The following N4BP2 variants were observed in gnomAD, a reference collection of about 807,000 sequenced individuals.
The protein encoded by N4BP2 is NEDD4-binding protein 2.
N4BP2 carries 91 observed loss-of-function variants against 152.8 expected under a neutral mutation model. The observed-to-expected ratio is 0.60, with a 90% CI of 0.50 to 0.71. The LOEUF (loss-of-function observed/expected upper bound fraction) is 0.71. N4BP2 is among the 30% of genes least tolerant of loss of function. The pLI, the probability that N4BP2 is intolerant of heterozygous loss-of-function variation, is 0.00. For synonymous variants in N4BP2, 646 were observed against 705.3 expected (o/e 0.92, Z 1.33); for missense variants, 1,923 against 2,059.1 (o/e 0.93, Z 1.28).
intron 13 of N4BP2, among the ~76,000 whole-genome samples, chr4:40,134,292 A>T (rs1220704137): frequency 2.0e-5 from 3 of 152,232 alleles, no homozygotes. Flanking sequence ...TGATGCTAGC[A>T]TATGGCCACT....
chr4:40,115,261 C>G (rs994935116), intron 7 of N4BP2, among the ~76,000 whole-genome samples: 3 of 152,176 alleles, frequency 2.0e-5, no homozygotes, highest in Admixed American at 2.0e-4. Flanking sequence ...CTTTGGGAAG[C>G]TGAAGCAGGA....
chr4:40,178,098 T>G, the N4BP2 span, among the ~76,000 whole-genome samples: 1 of 152,094 alleles, frequency 6.6e-6, no homozygotes, highest in Non-Finnish European at 1.5e-5. Context: ...AGGCGGAGGT[T>G]GCAGTGAGCC....
At chr4:40,153,987 T>C (rs1245991267) in intron 17 of N4BP2, among the ~76,000 whole-genome samples, 1 of 152,142 alleles carries the variant, frequency 6.6e-6, no homozygotes, top group Non-Finnish European at 1.5e-5. Flanking sequence ...AAGAGCAACC[T>C]CCAGCTTTAA....
intron 4 of N4BP2, 37 bp from the exon 5 acceptor site, chr4:40,106,863 A>G (rs746838842): frequency 6.4e-7 from 1 of 1,561,316 alleles, no homozygotes; most frequent in Non-Finnish European, 8.7e-7. Context: ...AATTTAGAAG[A>G]AAAGGTAATG....
chr4:40,073,115 T>A (rs1017713867), intron 1 of N4BP2, among the ~76,000 whole-genome samples: 2 of 152,188 alleles, frequency 1.3e-5, no homozygotes, highest in African/African-American at 2.4e-5. Context: ...AAATGGTAAT[T>A]AGTTTTGGGT....
At chr4:40,128,948 A>G (rs1718663775) in intron 12 of N4BP2, among the ~76,000 whole-genome samples, 1 of 152,152 alleles carries the variant, frequency 6.6e-6, no homozygotes, top group Admixed American at 6.5e-5. Flanking sequence ...TTACAGTTCT[A>G]CCCTCCCTTT....
chr4:40,107,772 G>A (rs542846870), intron 5 of N4BP2, among the ~76,000 whole-genome samples: 2 of 152,076 alleles, frequency 1.3e-5, no homozygotes, highest in Non-Finnish European at 2.9e-5. Flanking sequence ...TTCATAGGGT[G>A]GTTATAAGGA....
rs141766114 is a variant in N4BP2 at position 40,145,927 on chromosome 4, C to T, written c.5143+1127C>T. On this transcript the variant is annotated intron_variant, in intron 16 of 17. Coordinates refer to ENST00000261435, the MANE Select transcript of N4BP2 (RefSeq NM_018177.6). ...CCTGTAATCCCAGCACTTCGGAGGCCGAGGTGGGCGGATCACCTGAGGTCT... is the reference window on the plus strand; with the variant it reads ...CCTGTAATCCCAGCACTTCGGAGGCTGAGGTGGGCGGATCACCTGAGGTCT... 2.4e-3 allele frequency among the ~76,000 whole-genome samples: 371 copies of T among 152,100 alleles called. 1 individual carries two copies. Among genetic ancestry groups the T allele is most frequent in the African/African-American group, 8.6e-3 (356 of 41,490 alleles).
chr4:40,061,394 C>T (rs948139284), intron 1 of N4BP2, among the ~76,000 whole-genome samples: 6 of 151,036 alleles, frequency 4.0e-5, no homozygotes, highest in South Asian at 4.2e-4. Context: ...GATGGAGTCT[C>T]GCTCTTGTTG....
intron 4 of N4BP2, among the ~76,000 whole-genome samples, chr4:40,104,847 CAGGCTAG>C: frequency 6.6e-6 from 1 of 151,704 alleles, no homozygotes; most frequent in South Asian, 2.1e-4. Context: ...CTCTGTCGCC[CAGGCTAG>C]AGTGCAGTGG....
the N4BP2 span, among the ~76,000 whole-genome samples, chr4:40,164,750 CTG>C: frequency 2.0e-5 from 3 of 152,224 alleles, no homozygotes; most frequent in Non-Finnish European, 4.4e-5. Context: ...CGGGACCTCA[CTG>C]TTTTGTTTGA....
the N4BP2 span, among the ~76,000 whole-genome samples, chr4:40,165,175 C>A: frequency 6.6e-6 from 1 of 151,542 alleles, no homozygotes; most frequent in Non-Finnish European, 1.5e-5. Flanking sequence ...TCCTTAGAGT[C>A]ATGTTAATAG....
the N4BP2 span, among the ~76,000 whole-genome samples, chr4:40,173,743 G>A: frequency 2.6e-5 from 4 of 152,128 alleles, no homozygotes; most frequent in African/African-American, 4.8e-5. Context: ...AGCCTGGGCC[G>A]AACTCTTGTT....
Position 40,120,912 on chromosome 4 carries a change from G to A in N4BP2, c.2801G>A (p.Ser934Asn), listed in dbSNP as rs1334786109. ...STAHEACWGT[S>N]SQKLKTLGSS... The stretch of plus-strand genomic sequence containing the variant: ...GCACATGAGGCCTGTTGGGGCACAA[G>A]CTCTCAAAAACTAAAGACATTGGGT... The change falls in exon 9 of 18, where the codon AGC (serine) becomes AAC (asparagine). Residue 934 changes from serine (S) to asparagine (N), a missense_variant. Transcript: ENST00000261435. 4 of 1,614,096 alleles carry A rather than the reference G, an allele frequency of 2.5e-6. No individual in the cohort carries two copies. The highest frequency in any genetic ancestry group is 3.4e-6 in the Non-Finnish European group (4 of 1,180,004).
chr4:40,117,929 T>G lies in N4BP2; in HGVS notation c.1725T>G (p.Arg575=). ...CAAGAATGTTGGAACATTATCAACG[T>G]TTTGTTTCAGTGCCAATAATTATGA... ...KITRMLEHYQ[R]FVSVPIIMSS... Residue 575 remains arginine, a synonymous_variant, in exon 8 of 18, where the codon CGT becomes CGG. Coordinates refer to ENST00000261435, the MANE Select transcript of N4BP2 (RefSeq NM_018177.6). The G allele has an allele frequency of 6.2e-7, 1 of 1,613,002 alleles. No individual in the cohort carries two copies. Among genetic ancestry groups the G allele is most frequent in the Non-Finnish European group, 8.5e-7 (1 of 1,179,450 alleles).
chr4:40,086,487 G>A (rs946186471), intron 2 of N4BP2, among the ~76,000 whole-genome samples: 14 of 151,716 alleles, frequency 9.2e-5, no homozygotes, highest in Non-Finnish European at 1.8e-4. Context: ...ACAGGTGTGC[G>A]CCACCATGCC....
At position 40,121,102 on chromosome 4, in the gene N4BP2, A is replaced by G. The variant is rs748071836; in HGVS notation, c.2991A>G (p.Glu997=). Residue 997 remains glutamate, a synonymous_variant, in exon 9 of 18, where the codon GAA becomes GAG. Coordinates refer to ENST00000261435, the MANE Select transcript of N4BP2 (RefSeq NM_018177.6). ...SGVVEPQTLA[E]CQEQMPKRDP... is the part of the protein sequence containing the mutation. ...TAGTAGAACCACAAACGTTAGCTGA[A>G]TGTCAAGAGCAAATGCCTAAGAGAG... The G allele has an allele frequency of 1.9e-6, 3 of 1,614,150 alleles. No homozygotes were observed. The highest frequency in any genetic ancestry group is 1.1e-5 in the South Asian group (1 of 91,080).
rs192705852 is a variant in N4BP2 at position 40,103,350 on chromosome 4, G to C, written c.1373+132G>C. On this transcript the variant is annotated intron_variant, in intron 4 of 17. Coordinates refer to ENST00000261435, the MANE Select transcript of N4BP2 (RefSeq NM_018177.6). ...CCTAAAATGTTTTCTTTTTACTAAG[G>C]TTTCCTAACTTTGTGTAGCTAATAA... The C allele has an allele frequency of 5.6e-4, 403 of 716,638 alleles. No homozygotes were observed. In the African/African-American group the frequency reaches 6.0e-3, roughly 11 times the overall value. 44.4% of individuals were successfully genotyped at this position (716,638 alleles called of 1,614,324 possible).
intron 16 of N4BP2, among the ~76,000 whole-genome samples, chr4:40,147,572 T>C (rs1227785016): frequency 1.4e-5 from 2 of 143,162 alleles, no homozygotes; most frequent in Non-Finnish European, 3.0e-5. Context: ...ACATGGCGGC[T>C]GGCCGGGTGG....
Sources: gnomAD v4.1 joint callset for allele counts (sites outside exome capture counted in the v4.1 genomes callset) on GRCh38, gnomAD v4.1.1 for gene constraint, MANE v1.5 for transcripts, NCBI Gene and HGNC (gene_info 2026-07-23, HGNC 2026-07-21) for gene names.